NBPF8: variants seen among roughly 807,000 people sequenced by gnomAD.
The protein encoded by NBPF8 is NBPF member 8, also known as NBPF family member NBPF8.
chr1:120,431,782 T>A (rs1470762263), upstream of NBPF8, among the ~76,000 whole-genome samples: 1 of 151,812 alleles, frequency 6.6e-6, no homozygotes, highest in Non-Finnish European at 1.5e-5. Context: ...ATTTACACAC[T>A]GTGTCTGCAC....
downstream of NBPF8, among the ~76,000 whole-genome samples, chr1:120,468,871 C>T (rs1553251096): frequency 2.1e-4 from 32 of 151,040 alleles, no homozygotes; most frequent in East Asian, 3.9e-3. Context: ...CTCCCTCTGC[C>T]GTCGTGTGGC....
At chr1:120,466,002 G>A in exon 25 of NBPF8, 2 of 1,611,868 alleles carry the variant, frequency 1.2e-6, no homozygotes, top group Non-Finnish European at 1.7e-6. Flanking sequence ...TGATGGAAGT[G>A]GAAGAGCCTG....
downstream of NBPF8, among the ~76,000 whole-genome samples, chr1:120,468,331 G>A (rs1661805736): frequency 1.3e-5 from 2 of 151,740 alleles, no homozygotes; most frequent in Non-Finnish European, 2.9e-5. Flanking sequence ...GTCATCACTT[G>A]CTGAGTGGTA....
At chr1:120,418,610 G>T (rs1431515403), upstream of NBPF8, among the ~76,000 whole-genome samples, 57 of 143,854 alleles carry the variant, frequency 4.0e-4, no homozygotes, top group African/African-American at 1.4e-3. Context: ...GAGTGGAGTG[G>T]TATGATCATG....
At chr1:120,416,652 C>G (rs1245529843), upstream of NBPF8, among the ~76,000 whole-genome samples, 7 of 135,938 alleles carry the variant, frequency 5.1e-5, no homozygotes, top group African/African-American at 1.7e-4. Context: ...GAATTTTTAC[C>G]AAGTGAACCA....
chr1:120,415,053 C>T (rs1450476663), upstream of NBPF8, among the ~76,000 whole-genome samples: 1 of 152,034 alleles, frequency 6.6e-6, no homozygotes. Context: ...CCCTGAGGAG[C>T]CAGCTGGCTC....
chr1:120,433,810 G>A (rs1660980572), upstream of NBPF8: 2 of 178,692 alleles, frequency 1.1e-5, no homozygotes, highest in Non-Finnish European at 1.2e-5. Context: ...CTCTTCATAC[G>A]AAGATCCGTG....
intron 15 of NBPF8, 109 bp from the exon 14 acceptor site, chr1:120,455,300 T>C (rs1661404567): frequency 1.5e-6 from 1 of 669,578 alleles, no homozygotes; most frequent in African/African-American, 1.8e-5. Context: ...AGAATCCTTA[T>C]TCTTGCACTG....
intron 10 of NBPF8, among the ~76,000 whole-genome samples, chr1:120,448,894 GT>G (rs2101668852): frequency 8.9e-5 from 1 of 11,296 alleles, no homozygotes; most frequent in South Asian, 2.1e-3. Flanking sequence ...GAAATCTTTT[GT>G]GCTACACAGA....
intron 16 of NBPF8, among the ~76,000 whole-genome samples, chr1:120,456,540 TC>T (rs1661441429): frequency 9.4e-6 from 1 of 105,850 alleles, no homozygotes; most frequent in Admixed American, 8.0e-5. Context: ...TCTCTTTTGA[TC>T]TTTGTTGTTT....
At chr1:120,468,997 G>GAAGT (rs1294375964), downstream of NBPF8, among the ~76,000 whole-genome samples, 2 of 152,028 alleles carry the variant, frequency 1.3e-5, no homozygotes, top group East Asian at 3.9e-4. Context: ...CTACGGCTCT[G>GAAGT]AAGTGTATGT....
chr1:120,466,277 TGAA>T (rs1661748035), exon 25 of NBPF8: 1 of 1,593,674 alleles, frequency 6.3e-7, no homozygotes, highest in African/African-American at 1.4e-5. Context: ...TATAGGCGCC[TGAA>T]GATTTGAATG....
chr1:120,419,566 C>T (rs1660517189), upstream of NBPF8, among the ~76,000 whole-genome samples: 2 of 152,200 alleles, frequency 1.3e-5, no homozygotes, highest in Non-Finnish European at 2.9e-5. Context: ...TCAAGGAATC[C>T]TCCTGCCTCA....
chr1:120,451,721 C>T (rs1570938728), intron 12 of NBPF8, among the ~76,000 whole-genome samples: 1 of 148,774 alleles, frequency 6.7e-6, no homozygotes, highest in Non-Finnish European at 1.5e-5. Context: ...TTCAATTCGC[C>T]CCATCTGCAC....
chr1:120,429,836 G>A (rs1168411118), intron 3 of NBPF8, among the ~76,000 whole-genome samples: 2 of 146,124 alleles, frequency 1.4e-5, no homozygotes, highest in African/African-American at 5.1e-5. Context: ...CAAAGTGCTG[G>A]GATTACAGGC....
intron 17 of NBPF8, among the ~76,000 whole-genome samples, 180 bp downstream of exon 15, chr1:120,459,710 T>A (rs1473851166): frequency 3.3e-5 from 5 of 151,754 alleles, no homozygotes; most frequent in Admixed American, 3.3e-4. Flanking sequence ...ATGGGGTGGG[T>A]CAGTGAGCTT....
At chr1:120,418,905 T>TA (rs1553245684), upstream of NBPF8, among the ~76,000 whole-genome samples, 1 of 151,880 alleles carries the variant, frequency 6.6e-6, no homozygotes, top group Non-Finnish European at 1.5e-5. Flanking sequence ...TAAAATCTCT[T>TA]ACAGCTATTA....
upstream of NBPF8, among the ~76,000 whole-genome samples, chr1:120,434,457 A>T (rs1553247506): frequency 6.9e-6 from 1 of 144,222 alleles, no homozygotes; most frequent in Admixed American, 7.1e-5. Flanking sequence ...TGCTGCACCC[A>T]TTAACTCGTC....
chr1:120,456,333 T>C (rs1264353185), intron 16 of NBPF8, among the ~76,000 whole-genome samples: 1 of 150,224 alleles, frequency 6.7e-6, no homozygotes, highest in Non-Finnish European at 1.5e-5. Flanking sequence ...TAAGCTTCTG[T>C]CTCATTGATC....
Sources: gnomAD v4.1 joint callset for allele counts (sites outside exome capture counted in the v4.1 genomes callset) on GRCh38, gnomAD v4.1.1 for gene constraint, MANE v1.5 for transcripts, NCBI Gene and HGNC (gene_info 2026-07-23, HGNC 2026-07-21) for gene names.